AGTPBP1: variants seen among roughly 807,000 people sequenced by gnomAD.
AGTPBP1 encodes ATP/GTP binding carboxypeptidase 1, also known as cytosolic carboxypeptidase 1.
Under a neutral mutation model 143.9 loss-of-function variants are expected in AGTPBP1, and 70 were observed. That is an observed-to-expected ratio of 0.49 (90% CI 0.40 to 0.59). The LOEUF is 0.59. AGTPBP1 is among the 20% of genes least tolerant of loss of function. The pLI, the probability that AGTPBP1 is intolerant of heterozygous loss-of-function variation, is 0.00. For missense variants in AGTPBP1, 1,229 were observed against 1,464.5 expected (o/e 0.84, Z 2.62); for synonymous variants, 463 against 500.2 (o/e 0.93, Z 0.99).
chr9:85,624,018 TC>T (rs1831115890), intron 14 of AGTPBP1, among the ~76,000 whole-genome samples: 1 of 152,194 alleles, frequency 6.6e-6, no homozygotes. Flanking sequence ...TATAGCCTAT[TC>T]AGTCCATACT....
At chr9:85,560,126 T>C (rs1826610882) in intron 25 of AGTPBP1, among the ~76,000 whole-genome samples, 1 of 152,054 alleles carries the variant, frequency 6.6e-6, no homozygotes, top group African/African-American at 2.4e-5. Flanking sequence ...TGTTGGAAGA[T>C]GGAGGCAGGT....
intron 25 of AGTPBP1, among the ~76,000 whole-genome samples, chr9:85,571,704 G>C (rs1451501643): frequency 6.6e-6 from 1 of 152,176 alleles, no homozygotes; most frequent in Non-Finnish European, 1.5e-5. Context: ...TCTACGATAA[G>C]ATGCAATGAG....
chr9:85,617,462 T>C (rs906368043), intron 17 of AGTPBP1, among the ~76,000 whole-genome samples: 1 of 152,186 alleles, frequency 6.6e-6, no homozygotes, highest in Non-Finnish European at 1.5e-5. Flanking sequence ...AAAATGTTGA[T>C]ATTAAGTTCA....
the AGTPBP1 span, among the ~76,000 whole-genome samples, chr9:85,759,082 G>A: frequency 1.8e-4 from 28 of 152,132 alleles, no homozygotes; most frequent in Admixed American, 3.9e-4. Flanking sequence ...TATCCTAAAT[G>A]TATATGCACC....
intron 21 of AGTPBP1, among the ~76,000 whole-genome samples, chr9:85,587,801 A>G (rs1220990551): frequency 6.6e-6 from 1 of 152,104 alleles, no homozygotes; most frequent in South Asian, 2.1e-4. Flanking sequence ...CTCCTTTTAC[A>G]AAGTAATTAT....
At position 85,652,826 on chromosome 9, in the gene AGTPBP1, A is replaced by G. The variant is rs79769644; in HGVS notation, c.1087+2317T>C. On this transcript the variant is annotated intron_variant, in intron 11 of 25. Coordinates refer to ENST00000357081, the MANE Select transcript of AGTPBP1 (RefSeq NM_001330701.2). ...GACATACAGGTAGTCCAGACTTGTA[A>G]TTGTTATCTGAAGTGGTAGCAGTCC... 4.7e-3 allele frequency among the ~76,000 whole-genome samples: 715 copies of G among 152,256 alleles called. 4 individuals are homozygous for G. The highest frequency in any genetic ancestry group is 7.5e-3 in the Non-Finnish European group (509 of 68,012).
chr9:85,704,950 GA>G (rs988506749), intron 2 of AGTPBP1, among the ~76,000 whole-genome samples: 5 of 151,160 alleles, frequency 3.3e-5, no homozygotes, highest in African/African-American at 1.2e-4. Flanking sequence ...TTATGTGTCA[GA>G]AAAAAAAGAT....
At chr9:85,777,399 C>T in the AGTPBP1 span, among the ~76,000 whole-genome samples, 1 of 152,154 alleles carries the variant, frequency 6.6e-6, no homozygotes, top group African/African-American at 2.4e-5. Context: ...ATTGAGGGCT[C>T]AGTGTTGGTC....
chr9:85,565,996 C>T (rs999637599), intron 25 of AGTPBP1, among the ~76,000 whole-genome samples: 3 of 152,170 alleles, frequency 2.0e-5, no homozygotes, highest in Non-Finnish European at 4.4e-5. Flanking sequence ...CACTATAAGA[C>T]AGTGCTCTTC....
At chr9:85,713,120 A>C (rs1440896258) in intron 1 of AGTPBP1, among the ~76,000 whole-genome samples, 1 of 152,238 alleles carries the variant, frequency 6.6e-6, no homozygotes, top group Non-Finnish European at 1.5e-5. Flanking sequence ...ATAAATCTTC[A>C]AGTTTATTTT....
the AGTPBP1 span, among the ~76,000 whole-genome samples, chr9:85,755,746 T>G: frequency 3.3e-5 from 5 of 152,220 alleles, no homozygotes; most frequent in African/African-American, 1.2e-4. Context: ...GTGATGGAAC[T>G]GTGCAGCACT....
chr9:85,689,178 A>T (rs1372468058), intron 3 of AGTPBP1, among the ~76,000 whole-genome samples: 1 of 152,170 alleles, frequency 6.6e-6, no homozygotes, highest in Non-Finnish European at 1.5e-5. Context: ...AGTTTATAGG[A>T]ACTCAGCCAT....
intron 25 of AGTPBP1, among the ~76,000 whole-genome samples, chr9:85,559,435 T>TA (rs1250141946): frequency 0.017 from 2,240 of 132,230 alleles, 44 homozygotes; most frequent in African/African-American, 0.051. Context: ...AAGATGACAG[T>TA]AAAAAAAAAA....
At chr9:85,661,109 AC>A (rs1833830854) in intron 8 of AGTPBP1, 136 bp from the exon 9 acceptor site, 1 of 675,296 alleles carries the variant, frequency 1.5e-6, no homozygotes. Context: ...TAAGATAATT[AC>A]ACATGGTATT....
intron 9 of AGTPBP1, among the ~76,000 whole-genome samples, chr9:85,658,506 G>A (rs1269107894): frequency 1.3e-5 from 2 of 152,010 alleles, no homozygotes; most frequent in African/African-American, 4.8e-5. Flanking sequence ...TGCTCTGGTG[G>A]GTTAATTATA....
chr9:85,618,987 A>G lies in AGTPBP1; in HGVS notation c.2331T>C (p.Asn777=). The part of the protein sequence containing the change: ...INCEKSNSQF[N]YGMQPLMYSV... Reference sequence around the variant, plus strand: ...TGGGAAAGAAAACTGTCTTACCATAATTAAACTGACTGTTGGACTTTTCAC... The same window carrying G: ...TGGGAAAGAAAACTGTCTTACCATAGTTAAACTGACTGTTGGACTTTTCAC... Residue 777 remains asparagine, a synonymous_variant, in exon 17 of 26, where the codon AAT becomes AAC. Coordinates refer to ENST00000357081, the MANE Select transcript of AGTPBP1 (RefSeq NM_001330701.2). 6.2e-7 allele frequency: 1 copy of G among 1,612,026 alleles called. No homozygotes were observed.
chr9:85,722,489 C>T (rs187074651), intron 1 of AGTPBP1, among the ~76,000 whole-genome samples: 2 of 152,274 alleles, frequency 1.3e-5, no homozygotes, highest in East Asian at 3.9e-4. Context: ...GCATGCGTCA[C>T]GAGGTTCTCG....
At chr9:85,611,278 C>T (rs777888250) in intron 17 of AGTPBP1, among the ~76,000 whole-genome samples, 3 of 141,908 alleles carry the variant, frequency 2.1e-5, no homozygotes, top group Non-Finnish European at 4.6e-5. Flanking sequence ...AAAACCCAAA[C>T]ACATCAATTG....
chr9:85,787,313 A>G, the AGTPBP1 span, among the ~76,000 whole-genome samples: 1 of 152,224 alleles, frequency 6.6e-6, no homozygotes, highest in African/African-American at 2.4e-5. Flanking sequence ...GTTCCATGGA[A>G]CACGGAAATT....
Sources: allele counts gnomAD v4.1 joint callset (sites outside exome capture counted in the v4.1 genomes callset), GRCh38; gene constraint gnomAD v4.1.1; transcripts MANE v1.5; gene names NCBI Gene and HGNC (gene_info 2026-07-23, HGNC 2026-07-21).